THRB: variants seen among roughly 807,000 people sequenced by gnomAD.
THRB encodes thyroid hormone receptor beta, also known as nuclear receptor subfamily 1 group A member 2.
A neutral mutation model predicts 47.8 loss-of-function variants in THRB; 12 were observed. The ratio of observed to expected loss-of-function variants is 0.25; its 90% CI spans 0.16 to 0.41. The LOEUF (loss-of-function observed/expected upper bound fraction) is 0.41. Among genes scored for constraint, THRB ranks in the 10% least tolerant of loss-of-function variants. The probability of loss-of-function intolerance (pLI) is 1.00; values close to 1 mark genes in which losing one functional copy is unlikely to be tolerated. For missense variants in THRB, 348 were observed against 589.2 expected, an observed-to-expected ratio of 0.59 and a Z score of 4.24; for synonymous variants, 218 against 212.2, an observed-to-expected ratio of 1.03 and a Z score of -0.24.
intron 5 of THRB, among the ~76,000 whole-genome samples, chr3:24,166,458 A>ACTC: frequency 6.6e-6 from 1 of 152,206 alleles, no homozygotes; most frequent in East Asian, 1.9e-4. Context: ...GTACTTACTT[A>ACTC]AAGATAGTGA....
chr3:24,441,887 C>T (rs2071563992), intron 1 of THRB, among the ~76,000 whole-genome samples: 1 of 151,538 alleles, frequency 6.6e-6, no homozygotes, highest in South Asian at 2.1e-4. Flanking sequence ...GTTGCTGGCT[C>T]CCCCAAGAAA....
intron 1 of THRB, among the ~76,000 whole-genome samples, chr3:24,445,636 G>T (rs1160061052): frequency 6.6e-6 from 1 of 152,032 alleles, no homozygotes; most frequent in Admixed American, 6.6e-5. Flanking sequence ...GCTTAATGCT[G>T]TTGAATGTGA....
chr3:24,431,261 TACA>T (rs1214205876), intron 1 of THRB, among the ~76,000 whole-genome samples: 48,688 of 135,660 alleles, frequency 0.36, 9,928 homozygotes, highest in Admixed American at 0.45. Flanking sequence ...TCTCTCTCTC[TACA>T]CACACACACA....
At chr3:24,375,477 ATAGT>A (rs1407684998) in intron 1 of THRB, among the ~76,000 whole-genome samples, 1 of 145,550 alleles carries the variant, frequency 6.9e-6, no homozygotes, top group East Asian at 2.0e-4. Flanking sequence ...TTAATATATT[ATAGT>A]TAGACATATA....
intron 1 of THRB, among the ~76,000 whole-genome samples, chr3:24,481,246 T>TTG (rs1553776522): frequency 1.8e-4 from 26 of 147,772 alleles, no homozygotes; most frequent in African/African-American, 6.6e-4. Flanking sequence ...TTTTTTTTTT[T>TTG]TTTTTTTTTT....
At chr3:24,476,628 C>A (rs1005056950) in intron 1 of THRB, among the ~76,000 whole-genome samples, 3 of 152,094 alleles carry the variant, frequency 2.0e-5, no homozygotes, top group African/African-American at 7.2e-5. Context: ...CATAACCTGG[C>A]GAATTTCTTT....
At chr3:24,133,499 G>A in intron 8 of THRB, 37 bp from the exon 9 acceptor site, 1 of 1,594,198 alleles carries the variant, frequency 6.3e-7, no homozygotes, top group Non-Finnish European at 8.6e-7. Context: ...AAATGAAGAA[G>A]TTGAAGGGAG....
chr3:24,466,255 GT>G (rs899727559), intron 1 of THRB, among the ~76,000 whole-genome samples: 3 of 150,958 alleles, frequency 2.0e-5, no homozygotes, highest in East Asian at 3.9e-4. Flanking sequence ...GGGTTTTATT[GT>G]TTTTTTTCCT....
intron 5 of THRB, among the ~76,000 whole-genome samples, chr3:24,184,224 C>A (rs1460055934): frequency 6.6e-6 from 1 of 152,182 alleles, no homozygotes; most frequent in Non-Finnish European, 1.5e-5. Flanking sequence ...TTGGAACATT[C>A]CCCAGTGGAC....
At chr3:24,202,293 G>A (rs1459288807) in intron 4 of THRB, among the ~76,000 whole-genome samples, 1 of 152,088 alleles carries the variant, frequency 6.6e-6, no homozygotes, top group Non-Finnish European at 1.5e-5. Flanking sequence ...TACGTTTTTG[G>A]TATACAACAA....
At chr3:24,346,267 T>G (rs187902585) in intron 1 of THRB, among the ~76,000 whole-genome samples, 375 of 152,224 alleles carry the variant, frequency 2.5e-3, no homozygotes, top group Admixed American at 4.2e-3. Flanking sequence ...TCACAACTTA[T>G]ATTATATACT....
chr3:24,173,801 T>C (rs1297199120), intron 5 of THRB, among the ~76,000 whole-genome samples: 1 of 152,216 alleles, frequency 6.6e-6, no homozygotes, highest in Non-Finnish European at 1.5e-5. Flanking sequence ...CATCAGTGTC[T>C]ACAGCTTCAG....
intron 4 of THRB, among the ~76,000 whole-genome samples, chr3:24,194,398 C>T (rs2043721735): frequency 6.6e-6 from 1 of 152,098 alleles, no homozygotes; most frequent in Non-Finnish European, 1.5e-5. Flanking sequence ...TCTTGTTATT[C>T]ATATAAATTA....
chr3:24,315,464 G>A (rs1312806266), intron 2 of THRB, among the ~76,000 whole-genome samples: 1 of 152,180 alleles, frequency 6.6e-6, no homozygotes, highest in African/African-American at 2.4e-5. Flanking sequence ...ACTGACGCTT[G>A]GCTGGCGTCA....
intron 3 of THRB, among the ~76,000 whole-genome samples, chr3:24,275,071 C>T (rs565500050): frequency 6.6e-5 from 10 of 152,064 alleles, no homozygotes; most frequent in South Asian, 4.1e-4. Context: ...TTGATTTACA[C>T]GGCAGCTTGT....
intron 4 of THRB, among the ~76,000 whole-genome samples, chr3:24,205,712 G>C (rs1255424022): frequency 6.6e-6 from 1 of 152,144 alleles, no homozygotes; most frequent in Non-Finnish European, 1.5e-5. Context: ...TGGCAAATTG[G>C]ATAAAGAGTC....
Position 24,190,009 on chromosome 3 carries a change from C to G in THRB, c.283+65G>C, listed in dbSNP as rs926880570. The G allele has an allele frequency of 1.4e-5, 21 of 1,502,252 alleles. No individual in the cohort carries two copies. In the Admixed American group the frequency reaches 2.7e-4, roughly 19 times the overall value. The allele number at this position is 1,502,252 out of a possible 1,614,324, so 93.1% of individuals were successfully genotyped here. On this transcript the variant is annotated intron_variant, in intron 5 of 10. Transcript: ENST00000646209. ...AGAGAAATGTAGATGAAGTACACAG[C>G]TACAACAGGGATATTTTTTTTCTTG...
In THRB at chr3:24,127,536, T is replaced by C. The variant is rs150960035; in HGVS notation, c.1107A>G (p.Glu369=). Residue 369 remains glutamate (E), a synonymous_variant, in exon 10 of 11, where the codon GAA becomes GAG. Coordinates refer to ENST00000646209, the MANE Select transcript of THRB (RefSeq NM_001354712.2). ...SLSSFNLDDT[E]VALLQAVLLM... ...GCAGGACGGCCTGAAGGAGGGCTACTTCAGTGTCATCCAGGTTGAAAGAAG... is the reference window on the plus strand; with the variant it reads ...GCAGGACGGCCTGAAGGAGGGCTACCTCAGTGTCATCCAGGTTGAAAGAAG... 2.5e-6 allele frequency: 4 copies of C among 1,614,052 alleles called. 1 individual carries two copies. In the African/African-American group the frequency reaches 5.3e-5, roughly 22 times the overall value.
intron 6 of THRB, among the ~76,000 whole-genome samples, chr3:24,148,492 C>G (rs1398404421): frequency 6.6e-6 from 1 of 152,144 alleles, no homozygotes; most frequent in Non-Finnish European, 1.5e-5. Context: ...CAACACCTGG[C>G]CTCAAGTGAT....
Sources: allele counts gnomAD v4.1 joint callset (sites outside exome capture counted in the v4.1 genomes callset), GRCh38; gene constraint gnomAD v4.1.1; transcripts MANE v1.5; gene names NCBI Gene and HGNC (gene_info 2026-07-23, HGNC 2026-07-21).